Variants in CYP2C19 observed in about 807,000 individuals in gnomAD.
CYP2C19 encodes the protein cytochrome P450 2C19.
CYP2C19 carries 59 observed loss-of-function variants against 40.9 expected under a neutral mutation model. The observed-to-expected ratio is 1.44, with a 90% confidence interval of 1.17 to 1.79. The LOEUF (loss-of-function observed/expected upper bound fraction) is 1.79. Among genes scored for constraint, CYP2C19 ranks in the 40% most tolerant of loss-of-function variants. The probability of loss-of-function intolerance (pLI) is 0.00; values close to 1 mark genes in which losing one functional copy is unlikely to be tolerated. For missense variants in CYP2C19, 754 were observed against 596.9 expected (o/e 1.26, Z -2.74); for synonymous variants, 253 against 208.7 (o/e 1.21, Z -1.83).
chr10:94,800,602 CT>C (rs35163153), intron 5 of CYP2C19, among the ~76,000 whole-genome samples: 3 of 152,268 alleles, frequency 2.0e-5, no homozygotes, highest in South Asian at 2.1e-4. Flanking sequence ...TGTCTGCTGC[CT>C]TTTTTTCAGC....
intron 5 of CYP2C19, among the ~76,000 whole-genome samples, chr10:94,800,205 G>T (rs1366577850): frequency 6.6e-6 from 1 of 152,174 alleles, no homozygotes; most frequent in Non-Finnish European, 1.5e-5. Context: ...TGTCCTTTTT[G>T]TTGATGTTGA....
intron 5 of CYP2C19, among the ~76,000 whole-genome samples, chr10:94,798,814 A>ATT (rs61240923): frequency 0.14 from 9,502 of 67,506 alleles, 1,099 homozygotes; most frequent in Non-Finnish European, 0.19. Context: ...GCAACCCCTG[A>ATT]TTTTTTTTTT....
At chr10:94,852,151 C>T (rs1236861689) in intron 8 of CYP2C19, among the ~76,000 whole-genome samples, 1 of 152,098 alleles carries the variant, frequency 6.6e-6, no homozygotes, top group Admixed American at 6.6e-5. Context: ...TACGGATCAT[C>T]AGACTGGAAA....
intron 5 of CYP2C19, among the ~76,000 whole-genome samples, chr10:94,790,704 C>G (rs530046876): frequency 6.6e-6 from 1 of 151,946 alleles, no homozygotes; most frequent in East Asian, 1.9e-4. Context: ...CCAACTTGAT[C>G]GTGGTGGATG....
At position 94,815,331 on chromosome 10, in the gene CYP2C19, G is replaced by C. The variant is rs1047669004; in HGVS notation, c.820-5165G>C. Among the ~76,000 whole-genome samples, 10 of 152,312 alleles carry C rather than the reference G, an allele frequency of 6.6e-5. No homozygotes were observed. In the South Asian group the frequency reaches 8.3e-4, roughly 13 times the overall value. On this transcript the variant is annotated intron_variant, in intron 5 of 8. Coordinates refer to ENST00000371321, the MANE Select transcript of CYP2C19 (RefSeq NM_000769.4). ...ACTACACAATGTTTAACATGACACA[G>C]GTCACTTGGAGACTCTAAAAGCATA...
At chr10:94,803,307 T>A (rs967685217) in intron 5 of CYP2C19, among the ~76,000 whole-genome samples, 1 of 152,074 alleles carries the variant, frequency 6.6e-6, no homozygotes, top group African/African-American at 2.4e-5. Flanking sequence ...TTGGGTAGGG[T>A]CTTTGACTTT....
intron 6 of CYP2C19, among the ~76,000 whole-genome samples, chr10:94,828,955 T>G (rs1849279494): frequency 6.6e-6 from 1 of 152,036 alleles, no homozygotes; most frequent in Non-Finnish European, 1.5e-5. Flanking sequence ...AATTCTGGGT[T>G]GAAAATTCTT....
At position 94,810,618 on chromosome 10, in the gene CYP2C19, G is replaced by A. The variant is rs991803584; in HGVS notation, c.820-9878G>A. ...CTTCTTCCTGGTTTGGTCTTGGGAG[G>A]GTGTATGTGTCTAGAAATTTATCCA... On this transcript the variant is annotated intron_variant, in intron 5 of 8. Transcript: ENST00000371321. Among the ~76,000 whole-genome samples, 6 of 151,850 alleles carry A rather than the reference G, an allele frequency of 4.0e-5. No homozygotes were observed. The South Asian group carries it at 1.2e-3, about 32-fold the overall frequency.
At chr10:94,807,522 T>C (rs920840353) in intron 5 of CYP2C19, among the ~76,000 whole-genome samples, 37 of 152,130 alleles carry the variant, frequency 2.4e-4, no homozygotes, top group African/African-American at 8.4e-4. Flanking sequence ...AGTTTTTGAG[T>C]TCTCTTTCTC....
At chr10:94,779,023 A>G (rs1161442025) in intron 3 of CYP2C19, among the ~76,000 whole-genome samples, 1 of 152,140 alleles carries the variant, frequency 6.6e-6, no homozygotes, top group Non-Finnish European at 1.5e-5. Context: ...ACAGAAAACC[A>G]AACACTGCAT....
intron 5 of CYP2C19, among the ~76,000 whole-genome samples, chr10:94,801,600 A>T (rs1323877425): frequency 6.6e-6 from 1 of 152,142 alleles, no homozygotes; most frequent in African/African-American, 2.4e-5. Context: ...TGTAGATGTC[A>T]TTAGGTCCAC....
intron 5 of CYP2C19, 103 bp downstream of exon 5, chr10:94,782,100 G>A: frequency 1.1e-6 from 1 of 887,476 alleles, no homozygotes; most frequent in Admixed American, 3.0e-5. Flanking sequence ...AAGGAGTAAT[G>A]CTTGAGAAGC....
chr10:94,849,739 C>G (rs188173622), intron 7 of CYP2C19, among the ~76,000 whole-genome samples, 178 bp from the exon 8 acceptor site: 1 of 150,036 alleles, frequency 6.7e-6, no homozygotes, highest in Admixed American at 6.8e-5. Flanking sequence ...ATTATTGTCA[C>G]TGGCCTTAAG....
intron 6 of CYP2C19, among the ~76,000 whole-genome samples, chr10:94,826,716 A>T (rs1203487336): frequency 6.6e-6 from 1 of 152,172 alleles, no homozygotes; most frequent in Non-Finnish European, 1.5e-5. Context: ...GTGGCAAGAG[A>T]AGGCATCCCT....
intron 1 of CYP2C19, among the ~76,000 whole-genome samples, chr10:94,767,429 C>T (rs972094169): frequency 1.3e-5 from 2 of 152,170 alleles, no homozygotes; most frequent in African/African-American, 4.8e-5. Context: ...ACTTTCTCAG[C>T]CTTCTCTGTC....
Position 94,842,885 on chromosome 10 carries a change from C to T in CYP2C19, c.1010C>T (p.Pro337Leu). ...CGTGTCATTGGCAGAAACCGGAGCC[C>T]CTGCATGCAGGACAGGGGCCACATG... ...IERVIGRNRSPCMQDRGHMPY... is the reference protein window; with the variant it reads ...IERVIGRNRSLCMQDRGHMPY... The change falls in exon 7 of 9, where the codon CCC becomes CTC. Residue 337 changes from proline (P) to leucine (L), a missense_variant. Coordinates refer to ENST00000371321, the MANE Select transcript of CYP2C19 (RefSeq NM_000769.4). 1.2e-6 allele frequency: 2 copies of T among 1,614,156 alleles called. No homozygotes were observed. The highest frequency in any genetic ancestry group is 1.7e-6 in the Non-Finnish European group (2 of 1,180,026).
rs558597531 is a variant in CYP2C19, at chr10:94,812,473, C to T, written c.820-8023C>T. ...GGATAATATCCTGAAGAATGTTTTA[C>T]AACTTGGTTCCATTCTCCCCATCAC... On this transcript the variant is annotated intron_variant, in intron 5 of 8. Transcript: ENST00000371321. Among the ~76,000 whole-genome samples, 519 of 152,210 alleles carry T rather than the reference C, an allele frequency of 3.4e-3. 2 individuals are homozygous for T. The highest frequency in any genetic ancestry group is 0.012 in the African/African-American group (501 of 41,516).
chr10:94,798,241 G>A (rs7909467), intron 5 of CYP2C19, among the ~76,000 whole-genome samples: 9 of 151,954 alleles, frequency 5.9e-5, no homozygotes, highest in Non-Finnish European at 1.2e-4. Flanking sequence ...CCTTCATTTC[G>A]TTATGTCCCC....
chr10:94,823,401 G>A (rs143354251), intron 6 of CYP2C19, among the ~76,000 whole-genome samples: 2 of 152,284 alleles, frequency 1.3e-5, no homozygotes, highest in Non-Finnish European at 2.9e-5. Flanking sequence ...GATTTGGTAA[G>A]GGTCCACACC....
Sources: gnomAD v4.1 joint callset for allele counts (sites outside exome capture counted in the v4.1 genomes callset) on GRCh38, gnomAD v4.1.1 for gene constraint, MANE v1.5 for transcripts, NCBI Gene and HGNC (gene_info 2026-07-23, HGNC 2026-07-21) for gene names.